Variants in KCNK2 observed in about 807,000 individuals in gnomAD.
KCNK2 encodes potassium channel subfamily K member 2.
KCNK2 carries 21 observed loss-of-function variants against 40.5 expected under a neutral mutation model. The ratio of observed to expected loss-of-function variants is 0.52; its 90% confidence interval spans 0.37 to 0.75. The LOEUF (loss-of-function observed/expected upper bound fraction) is 0.75. Ranked by LOEUF, KCNK2 falls within the 30% of genes least tolerant of loss-of-function variation. The pLI, the probability that KCNK2 is intolerant of heterozygous loss-of-function variation, is 0.00. For synonymous variants in KCNK2, 191 were observed against 202.2 expected (o/e 0.94, Z 0.47); for missense variants, 399 against 531.6 (o/e 0.75, Z 2.45).
At chr1:215,028,744 T>G (rs1433652533) in intron 1 of KCNK2, among the ~76,000 whole-genome samples, 1 of 152,178 alleles carries the variant, frequency 6.6e-6, no homozygotes, top group African/African-American at 2.4e-5. Flanking sequence ...TATATCTCAT[T>G]AAGATAAAGA....
intron 3 of KCNK2, among the ~76,000 whole-genome samples, chr1:215,164,521 T>C (rs1323063904): frequency 6.6e-6 from 1 of 152,162 alleles, no homozygotes; most frequent in East Asian, 1.9e-4. Flanking sequence ...GTGTTGATTT[T>C]AGATCTTTCC....
chr1:215,173,193 C>T (rs572898183), intron 5 of KCNK2, among the ~76,000 whole-genome samples: 8 of 152,178 alleles, frequency 5.3e-5, no homozygotes, highest in African/African-American at 1.9e-4. Context: ...TTGTTCAATT[C>T]CTACCTATGA....
chr1:215,040,436 A>G (rs919821737), intron 1 of KCNK2, among the ~76,000 whole-genome samples: 1 of 152,176 alleles, frequency 6.6e-6, no homozygotes, highest in Non-Finnish European at 1.5e-5. Flanking sequence ...GACATTATTC[A>G]TTAGGATTAC....
intron 1 of KCNK2, among the ~76,000 whole-genome samples, chr1:215,013,011 G>A: frequency 6.6e-6 from 1 of 151,902 alleles, no homozygotes; most frequent in Non-Finnish European, 1.5e-5. Flanking sequence ...GTACTTTTAT[G>A]TTTTACATTT....
chr1:215,230,532 T>TATATACACATAACA (rs1558150321), intron 6 of KCNK2, among the ~76,000 whole-genome samples: 10 of 37,120 alleles, frequency 2.7e-4, no homozygotes, highest in African/African-American at 4.5e-4. Flanking sequence ...TATATATATA[T>TATATACACATAACA]GTATATATAT....
intron 2 of KCNK2, among the ~76,000 whole-genome samples, chr1:215,119,056 C>T (rs1270016968): frequency 6.6e-6 from 1 of 152,084 alleles, no homozygotes; most frequent in Non-Finnish European, 1.5e-5. Flanking sequence ...CACAATATAG[C>T]CTACTCTGAA....
intron 2 of KCNK2, among the ~76,000 whole-genome samples, chr1:215,096,044 TG>T (rs1197262757): frequency 6.6e-6 from 1 of 152,110 alleles, no homozygotes; most frequent in Non-Finnish European, 1.5e-5. Flanking sequence ...ACGTGCTACC[TG>T]TTGGATTATA....
intron 3 of KCNK2, among the ~76,000 whole-genome samples, chr1:215,130,749 G>C (rs1389811959): frequency 6.6e-6 from 1 of 152,144 alleles, no homozygotes; most frequent in Non-Finnish European, 1.5e-5. Flanking sequence ...GAGGGTGAAA[G>C]GTGGACAGAT....
chr1:215,008,660 T>C (rs1386300669), intron 1 of KCNK2, among the ~76,000 whole-genome samples: 1 of 152,174 alleles, frequency 6.6e-6, no homozygotes, highest in African/African-American at 2.4e-5. Flanking sequence ...TTAAACGACA[T>C]GGGCTTTAGA....
In KCNK2 at chr1:215,070,180, G is replaced by A. The variant is rs191313304; in HGVS notation, c.35-16188G>A. 3.6e-4 allele frequency among the ~76,000 whole-genome samples: 55 copies of A among 152,074 alleles called. No homozygotes were observed. In the East Asian group the frequency reaches 5.7e-3, roughly 16 times the overall value. On this transcript the variant is annotated intron_variant, in intron 1 of 6. Coordinates refer to the KCNK2 transcript ENST00000391895. Reference sequence around the variant, plus strand: ...AATCCCAGCACTTTGGGAGGCCGAGGTGGGCGGATCACAAGGTCAGCAGAT... The same window carrying A: ...AATCCCAGCACTTTGGGAGGCCGAGATGGGCGGATCACAAGGTCAGCAGAT...
upstream of KCNK2, among the ~76,000 whole-genome samples, chr1:215,080,523 A>C (rs1000504064): frequency 7.2e-5 from 11 of 152,186 alleles, no homozygotes; most frequent in Non-Finnish European, 1.5e-5. Context: ...AATATAAGAA[A>C]ATGTCAGCTA....
Position 215,209,296 on chromosome 1 carries a change from A to G in KCNK2, c.963+14204A>G, listed in dbSNP as rs1279884265. Among the ~76,000 whole-genome samples, 6 of 89,766 alleles carry G rather than the reference A, an allele frequency of 6.7e-5. No homozygotes were observed. The Admixed American group carries it at 1.1e-3, about 17-fold the overall frequency. The allele number at this position is 89,766 out of a possible 152,430, so 58.9% of individuals were successfully genotyped here. On this transcript the variant is annotated intron_variant, in intron 6 of 6. Transcript: ENST00000444842. ...TAAATATACACATATTTTATATATA[A>G]TATATATTATATATATGAAATATAC...
intron 5 of KCNK2, among the ~76,000 whole-genome samples, chr1:215,183,639 A>T (rs1664316751): frequency 6.6e-6 from 1 of 152,160 alleles, no homozygotes; most frequent in South Asian, 2.1e-4. Flanking sequence ...AAGTGTGCTA[A>T]TCTATTATGG....
intron 6 of KCNK2, among the ~76,000 whole-genome samples, chr1:215,214,751 G>A (rs566330177): frequency 7.6e-4 from 115 of 152,184 alleles, no homozygotes; most frequent in African/African-American, 2.5e-3. Flanking sequence ...GCTTGAGCCC[G>A]GGAGGTCGAG....
At position 215,234,929 on chromosome 1, in the gene KCNK2, C is replaced by T; in HGVS notation, c.1065C>T (p.Phe355=). ...TGAGTGTGGAGATTTATGACAAGTT[C>T]CAGCGGGCCACCTCCATCAAGCGGA... is the stretch of plus-strand genomic sequence containing the variant. The part of the protein sequence containing the change: ...RRLSVEIYDK[F]QRATSIKRKL... Residue 355 remains phenylalanine, a synonymous_variant, in exon 7 of 7, where the codon TTC becomes TTT. Coordinates refer to ENST00000444842, the MANE Select transcript of KCNK2 (RefSeq NM_001017425.3). 1 of 1,614,006 alleles carries T rather than the reference C, an allele frequency of 6.2e-7. No individual in the cohort carries two copies. The highest frequency in any genetic ancestry group is 1.3e-5 in the African/African-American group (1 of 74,996).
chr1:215,053,381 G>T lies in KCNK2; in HGVS notation c.35-32987G>T, dbSNP rs376368493. Among the ~76,000 whole-genome samples, 7 of 152,146 alleles carry T rather than the reference G, an allele frequency of 4.6e-5. No individual in the cohort carries two copies. In the East Asian group the frequency reaches 5.8e-4, roughly 13 times the overall value. On this transcript the variant is annotated intron_variant, in intron 1 of 6. Coordinates refer to the KCNK2 transcript ENST00000391895. ...CAACTGACAAATGTTTGAGGCTCTG[G>T]CGTGGGCTAGGACCCGGGTTTAGCC...
intron 6 of KCNK2, among the ~76,000 whole-genome samples, chr1:215,216,451 A>G (rs1558144407): frequency 6.7e-6 from 1 of 148,230 alleles, no homozygotes; most frequent in Non-Finnish European, 1.5e-5. Context: ...ATATCAGATT[A>G]TTATATGTAA....
In KCNK2 at chr1:215,159,742, T is replaced by C. The variant is rs61818341; in HGVS notation, c.476-9457T>C. 9.6e-3 allele frequency among the ~76,000 whole-genome samples: 1,458 copies of C among 152,282 alleles called. 23 individuals carry two copies. The highest frequency in any genetic ancestry group is 0.061 in the South Asian group (292 of 4,826). ...TTTACATACTCATAAAGTGTTTCCCTACAAATAACTTATTAATTGCAAAAG... is the reference window on the plus strand; with the variant it reads ...TTTACATACTCATAAAGTGTTTCCCCACAAATAACTTATTAATTGCAAAAG... On this transcript the variant is annotated intron_variant, in intron 3 of 6. Coordinates refer to ENST00000444842, the MANE Select transcript of KCNK2 (RefSeq NM_001017425.3).
chr1:215,212,203 C>T (rs1240205986), intron 6 of KCNK2, among the ~76,000 whole-genome samples: 1 of 151,966 alleles, frequency 6.6e-6, no homozygotes, highest in African/African-American at 2.4e-5. Flanking sequence ...TGGCTGGAAG[C>T]TTTTTTGCAT....
Sources: gnomAD v4.1 joint callset for allele counts (sites outside exome capture counted in the v4.1 genomes callset) on GRCh38, gnomAD v4.1.1 for gene constraint, MANE v1.5 for transcripts, NCBI Gene and HGNC (gene_info 2026-07-23, HGNC 2026-07-21) for gene names.